The following ROCK2 variants were observed in gnomAD, a reference collection of about 807,000 sequenced individuals.
ROCK2 encodes the protein Rho associated coiled-coil containing protein kinase 2.
In ROCK2, 61 loss-of-function variants were observed where a neutral mutation model predicts 195.1. The observed-to-expected ratio is 0.31, with a 90% CI of 0.25 to 0.39. The LOEUF (loss-of-function observed/expected upper bound fraction) is 0.39, where lower values mean the gene tolerates loss of function less well. Among genes scored for constraint, ROCK2 ranks in the 10% least tolerant of loss-of-function variants. The pLI is 1.00. For missense variants in ROCK2, 1,109 were observed against 1,637.4 expected, an observed-to-expected ratio of 0.68 and a Z score of 5.57; for synonymous variants, 504 against 545.5, an observed-to-expected ratio of 0.92 and a Z score of 1.06.
rs1318378182 is a variant in ROCK2 at position 11,344,519 on chromosome 2, T to C, written c.-383A>G. On this transcript the variant is annotated 5_prime_UTR_variant, in exon 1 of 33. Transcript: ENST00000315872. This position sits in a 1 kb window ranked among gnomAD's most constrained non-coding sequence, Gnocchi z 5.4. The stretch of plus-strand genomic sequence containing the variant: ...CCCGCCCTCTGGGGCCCCGGGAGGC[T>C]GAAGCCCAGGCCTGGGCCACTACGG... 43 of 983,990 alleles carry C rather than the reference T, an allele frequency of 4.4e-5. No individual in the cohort carries two copies. In the South Asian group the frequency reaches 1.5e-3, roughly 34 times the overall value. The allele number at this position is 983,990 out of a possible 1,614,324, so 61.0% of individuals were successfully genotyped here.
intron 1 of ROCK2, among the ~76,000 whole-genome samples, chr2:11,315,633 C>A (rs1006066060): frequency 6.6e-6 from 1 of 151,906 alleles, no homozygotes; most frequent in African/African-American, 2.4e-5. Flanking sequence ...CATTTAACAA[C>A]AAGCAAAGTC....
At chr2:11,284,536 C>T (rs1667120304) in intron 3 of ROCK2, among the ~76,000 whole-genome samples, 2 of 152,064 alleles carry the variant, frequency 1.3e-5, no homozygotes, top group African/African-American at 4.8e-5. Context: ...CTCGATTTTA[C>T]TGTGAACCTA....
At chr2:11,307,449 G>T (rs1042214467) in intron 1 of ROCK2, among the ~76,000 whole-genome samples, 1 of 152,098 alleles carries the variant, frequency 6.6e-6, no homozygotes, top group Non-Finnish European at 1.5e-5. Context: ...GAGTAGCTGG[G>T]ACTACAGGCG....
At position 11,235,215 on chromosome 2, in the gene ROCK2, A is replaced by G. The variant is rs1665159574; in HGVS notation, c.723+487T>C. Among the ~76,000 whole-genome samples, 1 of 152,188 alleles carries G rather than the reference A, an allele frequency of 6.6e-6. No homozygotes were observed. On this transcript the variant is annotated intron_variant, in intron 5 of 32. Coordinates refer to ENST00000315872, the MANE Select transcript of ROCK2 (RefSeq NM_004850.5). This position sits in a 1 kb window ranked among gnomAD's most constrained non-coding sequence, Gnocchi z 4.2. The stretch of plus-strand genomic sequence containing the variant: ...CATAATATGAATTGATCAACAGGTA[A>G]AGCATCGGAACAGATGATGTTCCCA...
At chr2:11,207,935 T>TAA in intron 19 of ROCK2, 25 bp from the exon 20 acceptor site, 1 of 1,415,240 alleles carries the variant, frequency 7.1e-7, no homozygotes, top group Non-Finnish European at 9.4e-7. Flanking sequence ...GTGTACTTGG[T>TAA]ATATAAGTAA....
At chr2:11,256,652 A>G (rs1206232003) in intron 3 of ROCK2, among the ~76,000 whole-genome samples, 1 of 151,084 alleles carries the variant, frequency 6.6e-6, no homozygotes, top group Non-Finnish European at 1.5e-5. Context: ...GAATGGAGAA[A>G]GATCTACCAT....
intron 4 of ROCK2, among the ~76,000 whole-genome samples, chr2:11,238,245 T>TGTG (rs11377542): frequency 7.8e-5 from 3 of 38,412 alleles, no homozygotes; most frequent in Non-Finnish European, 1.3e-4. Flanking sequence ...TGTGTGTCTG[T>TGTG]TGTGTGTGTC....
At chr2:11,224,268 T>C (rs945344365) in intron 7 of ROCK2, 54 bp downstream of exon 7, 2 of 1,482,664 alleles carry the variant, frequency 1.3e-6, no homozygotes, top group Non-Finnish European at 1.8e-6. Flanking sequence ...ATGCTTTTAT[T>C]TCTATAAATT....
At position 11,344,607 on chromosome 2, in the gene ROCK2, G is replaced by C. The variant is rs1272176528; in HGVS notation, c.-471C>G. On this transcript the variant is annotated 5_prime_UTR_variant, in exon 1 of 33. Transcript: ENST00000315872. The surrounding 1 kb of genome is among the most constrained non-coding windows in gnomAD (Gnocchi z 5.4). ...CTTGCAGTCCCTCAGCCAGCTCCCG[G>C]CGCACACACTCCCGCGCGGCCGCCC... The C allele has an allele frequency of 8.1e-6, 2 of 246,786 alleles. No individual in the cohort carries two copies. Among genetic ancestry groups the C allele is most frequent in the African/African-American group, 2.4e-5 (1 of 41,310 alleles). 15.3% of individuals were successfully genotyped at this position (246,786 alleles called of 1,614,324 possible). A position where few individuals can be genotyped will look rare whatever the true frequency, so the allele number is the denominator to read the frequency against.
Position 11,182,124 on chromosome 2 carries a change from C to G in ROCK2, c.*1313G>C, listed in dbSNP as rs1663027342. The G allele has an allele frequency of 6.6e-6, 1 of 151,922 alleles. No individual in the cohort carries two copies. The highest frequency in any genetic ancestry group is 1.5e-5 in the Non-Finnish European group (1 of 67,978). The allele number at this position is 151,922 out of a possible 1,614,324, so 9.4% of individuals were successfully genotyped here. ...ATACGGCAAGAATGTCCTGCGTAAA[C>G]TGTAACTTTGACAGCATTTAAAAAA... On this transcript the variant is annotated 3_prime_UTR_variant, in exon 33 of 33. Coordinates refer to ENST00000315872, the MANE Select transcript of ROCK2 (RefSeq NM_004850.5).
At position 11,235,571 on chromosome 2, in the gene ROCK2, T is replaced by C; in HGVS notation, c.723+131A>G. 5 of 876,350 alleles carry C rather than the reference T, an allele frequency of 5.7e-6. No individual in the cohort carries two copies. The highest frequency in any genetic ancestry group is 3.6e-5 in the South Asian group (2 of 54,842). 54.3% of individuals were successfully genotyped at this position (876,350 alleles called of 1,614,324 possible). A position where few individuals can be genotyped will look rare whatever the true frequency, so the allele number is the denominator to read the frequency against. On this transcript the variant is annotated intron_variant, in intron 5 of 32. Coordinates refer to ENST00000315872, the MANE Select transcript of ROCK2 (RefSeq NM_004850.5). This position sits in a 1 kb window ranked among gnomAD's most constrained non-coding sequence, Gnocchi z 4.2. ...AAGGAAATGTTTTAAGTTGGTTATA[T>C]CTTGTTTGGGTGCTATACAGTTATG... is the stretch of plus-strand genomic sequence containing the variant.
In ROCK2 at chr2:11,179,910, A is replaced by G. The variant is rs1377177401; in HGVS notation, c.*3527T>C. The G allele has an allele frequency of 6.6e-6, 1 of 152,222 alleles. No individual in the cohort carries two copies. The highest frequency in any genetic ancestry group is 1.5e-5 in the Non-Finnish European group (1 of 68,032). 9.4% of individuals were successfully genotyped at this position (152,222 alleles called of 1,614,324 possible). A position where few individuals can be genotyped will look rare whatever the true frequency, so the allele number is the denominator to read the frequency against. On this transcript the variant is annotated 3_prime_UTR_variant, in exon 33 of 33. Transcript: ENST00000315872. ...AGAGAGGACAGCTGATCAAATATTTATAATTTTCTAAACCATGCAGTTCAT... is the reference window on the plus strand; with the variant it reads ...AGAGAGGACAGCTGATCAAATATTTGTAATTTTCTAAACCATGCAGTTCAT...
At chr2:11,268,107 T>TGACC (rs1013669080) in intron 3 of ROCK2, among the ~76,000 whole-genome samples, 1 of 151,972 alleles carries the variant, frequency 6.6e-6, no homozygotes, top group Non-Finnish European at 1.5e-5. Context: ...AGCAAACCAC[T>TGACC]GACCCCAAAC....
In ROCK2 at chr2:11,192,620, T is replaced by C; in HGVS notation, c.3780A>G (p.Gly1260=). Residue 1260 remains glycine, a synonymous_variant, in exon 31 of 33, where the codon GGA becomes GGG. Coordinates refer to ENST00000315872, the MANE Select transcript of ROCK2 (RefSeq NM_004850.5). This position sits in a 1 kb window ranked among gnomAD's most constrained non-coding sequence, Gnocchi z 5.0. ...GEKSNYICHK[G]HEFIPTLYHF... is the part of the protein sequence containing the mutation. ...GATAAAGAGTAGGAATAAACTCATG[T>C]CCCTTGTGGCAAATATAATTAGATT... 5 of 1,614,016 alleles carry C rather than the reference T, an allele frequency of 3.1e-6. No individual in the cohort carries two copies. In the South Asian group the frequency reaches 5.5e-5, roughly 18 times the overall value.
At chr2:11,233,155 A>G (rs1175094840) in intron 5 of ROCK2, among the ~76,000 whole-genome samples, 1 of 152,228 alleles carries the variant, frequency 6.6e-6, no homozygotes, top group African/African-American at 2.4e-5. Context: ...TTCGGGCTAC[A>G]GTGAGCTATG....
At chr2:11,212,052 G>T (rs969838432) in intron 17 of ROCK2, among the ~76,000 whole-genome samples, 1 of 151,704 alleles carries the variant, frequency 6.6e-6, no homozygotes, top group African/African-American at 2.4e-5. Flanking sequence ...GACTATAGAA[G>T]TTTGTCACCA....
At chr2:11,271,026 A>G (rs76474815) in intron 3 of ROCK2, among the ~76,000 whole-genome samples, 11,334 of 152,146 alleles carry the variant, frequency 0.074, 613 homozygotes, top group African/African-American at 0.15. Flanking sequence ...GCAGTGTTCT[A>G]TAGTCTTATG....
intron 1 of ROCK2, among the ~76,000 whole-genome samples, chr2:11,330,772 A>AGGGAGGAGGAGGG (rs1668704137): frequency 1.9e-5 from 1 of 52,112 alleles, no homozygotes; most frequent in Non-Finnish European, 3.7e-5. Flanking sequence ...GAGGAGGAGG[A>AGGGAGGAGGAGGG]GGGAGGGAAG....
At chr2:11,316,602 T>C (rs149252960) in intron 1 of ROCK2, among the ~76,000 whole-genome samples, 207 of 152,292 alleles carry the variant, frequency 1.4e-3, no homozygotes, top group African/African-American at 4.8e-3. Flanking sequence ...GTATGCAGTC[T>C]TCATCTCAGT....
Sources: allele counts gnomAD v4.1 joint callset (sites outside exome capture counted in the v4.1 genomes callset), GRCh38; gene constraint gnomAD v4.1.1; non-coding constraint Gnocchi (gnomAD v3.1); transcripts MANE v1.5; gene names NCBI Gene and HGNC (gene_info 2026-07-23, HGNC 2026-07-21).